The following ARB2A variants were observed in gnomAD, a reference collection of about 807,000 sequenced individuals.
ARB2A encodes ARB2 cotranscriptional regulator A.
At chr5:93,689,139 C>T in the ARB2A span, among the ~76,000 whole-genome samples, 2 of 152,134 alleles carry the variant, frequency 1.3e-5, no homozygotes, top group African/African-American at 4.8e-5. Context: ...CCAGCAATAC[C>T]GGACTTTTTT....
the ARB2A span, among the ~76,000 whole-genome samples, chr5:93,717,354 T>C: frequency 6.6e-6 from 1 of 151,840 alleles, no homozygotes; most frequent in Non-Finnish European, 1.5e-5. Context: ...TTCTGCCTTC[T>C]CAACTCAGCG....
At chr5:93,934,775 G>A in the ARB2A span, among the ~76,000 whole-genome samples, 1 of 152,148 alleles carries the variant, frequency 6.6e-6, no homozygotes, top group Non-Finnish European at 1.5e-5. Context: ...CCATACTCAG[G>A]GGGAAAGAGT....
chr5:93,920,484 G>A, the ARB2A span, among the ~76,000 whole-genome samples: 1 of 151,964 alleles, frequency 6.6e-6, no homozygotes, highest in South Asian at 2.1e-4. Context: ...AATTTGGGGG[G>A]ACTTGTGACA....
At chr5:94,049,445 C>T in the ARB2A span, among the ~76,000 whole-genome samples, 1 of 152,112 alleles carries the variant, frequency 6.6e-6, no homozygotes, top group Non-Finnish European at 1.5e-5. Context: ...CACCTGTAAT[C>T]CCAGTACTCT....
chr5:93,862,035 A>C, the ARB2A span: 6 of 152,226 alleles, frequency 3.9e-5, no homozygotes, highest in Non-Finnish European at 8.8e-5. Context: ...AGGTAAAAAT[A>C]AACAAATCTT....
At chr5:93,672,979 C>T in the ARB2A span, among the ~76,000 whole-genome samples, 1 of 152,162 alleles carries the variant, frequency 6.6e-6, no homozygotes, top group African/African-American at 2.4e-5. Flanking sequence ...CCAAACCAAA[C>T]TTCATTTTGT....
At chr5:93,671,332 C>T in the ARB2A span, among the ~76,000 whole-genome samples, 2 of 151,972 alleles carry the variant, frequency 1.3e-5, no homozygotes, top group African/African-American at 2.4e-5. Context: ...TAAAATCCAG[C>T]CTTGTTTTTT....
the ARB2A span, among the ~76,000 whole-genome samples, chr5:93,621,774 G>A: frequency 1.3e-5 from 2 of 152,198 alleles, no homozygotes; most frequent in African/African-American, 4.8e-5. Context: ...GCTTAATGAA[G>A]GACCGCATTC....
chr5:94,078,052 A>T, the ARB2A span, among the ~76,000 whole-genome samples: 1 of 152,254 alleles, frequency 6.6e-6, no homozygotes, highest in East Asian at 1.9e-4. Context: ...AAAATGTGGC[A>T]TATGCACTTA....
At chr5:93,985,486 C>A in the ARB2A span, among the ~76,000 whole-genome samples, 2 of 151,450 alleles carry the variant, frequency 1.3e-5, no homozygotes, top group Non-Finnish European at 2.9e-5. Flanking sequence ...CGAGGCTGGA[C>A]TGTATTGCCG....
chr5:93,980,819 C>A, the ARB2A span, among the ~76,000 whole-genome samples: 5 of 151,922 alleles, frequency 3.3e-5, no homozygotes, highest in Non-Finnish European at 5.9e-5. Context: ...ATTTTGTTAA[C>A]CTTTTTAATG....
the ARB2A span, among the ~76,000 whole-genome samples, chr5:93,799,992 T>C: frequency 6.6e-6 from 1 of 152,110 alleles, no homozygotes; most frequent in Non-Finnish European, 1.5e-5. Context: ...AAGTATATGT[T>C]ATTCAATAAG....
the ARB2A span, among the ~76,000 whole-genome samples, chr5:94,068,851 T>C: frequency 1.0e-5 from 1 of 99,120 alleles, no homozygotes; most frequent in African/African-American, 4.0e-5. Flanking sequence ...ACCCCGTCTC[T>C]ACTAAAAATA....
At chr5:93,975,751 G>A in the ARB2A span, among the ~76,000 whole-genome samples, 14,167 of 151,768 alleles carry the variant, frequency 0.093, 809 homozygotes, top group Middle Eastern at 0.16. Context: ...CAACAATATC[G>A]AACAAGTGAT....
At chr5:93,942,070 C>A in the ARB2A span, among the ~76,000 whole-genome samples, 1 of 152,186 alleles carries the variant, frequency 6.6e-6, no homozygotes, top group Non-Finnish European at 1.5e-5. Flanking sequence ...TTTCTCCCCG[C>A]TCTACCCCAT....
chr5:93,896,819 A>C, the ARB2A span, among the ~76,000 whole-genome samples: 1 of 152,190 alleles, frequency 6.6e-6, no homozygotes, highest in East Asian at 1.9e-4. Context: ...AAGTTTTTGC[A>C]ACTACTGCGA....
the ARB2A span, among the ~76,000 whole-genome samples, chr5:93,682,159 T>C: frequency 6.6e-6 from 1 of 151,396 alleles, no homozygotes; most frequent in Non-Finnish European, 1.5e-5. Flanking sequence ...TACTCTAAAA[T>C]ATTACCTGTT....
the ARB2A span, among the ~76,000 whole-genome samples, chr5:93,658,426 G>A: frequency 6.6e-6 from 1 of 152,036 alleles, no homozygotes; most frequent in African/African-American, 2.4e-5. Flanking sequence ...AAAATGGGTT[G>A]AAGATATGGC....
the ARB2A span, among the ~76,000 whole-genome samples, chr5:93,986,316 T>C: frequency 6.6e-6 from 1 of 151,220 alleles, no homozygotes; most frequent in Non-Finnish European, 1.5e-5. Context: ...CCGCCCCATC[T>C]GGGAGGTGGG....
Sources: gnomAD v4.1 joint callset for allele counts (sites outside exome capture counted in the v4.1 genomes callset) on GRCh38, gnomAD v4.1.1 for gene constraint, MANE v1.5 for transcripts, NCBI Gene and HGNC (gene_info 2026-07-23, HGNC 2026-07-21) for gene names.